The following ARHGEF11 variants were observed in gnomAD, a reference collection of about 807,000 sequenced individuals.
ARHGEF11 encodes Rho guanine nucleotide exchange factor 11, also known as Rho guanine exchange factor (GEF) 11.
In ARHGEF11, 55 loss-of-function variants were observed where a neutral mutation model predicts 193.7. That is an observed-to-expected ratio of 0.28 (90% confidence interval 0.23 to 0.36). ARHGEF11 has a LOEUF of 0.36. ARHGEF11 is among the 10% of genes least tolerant of loss of function. The probability of loss-of-function intolerance (pLI) is 1.00; values close to 1 mark genes in which losing one functional copy is unlikely to be tolerated. For missense variants in ARHGEF11, 1,723 were observed against 2,005.6 expected (o/e 0.86, Z 2.69); for synonymous variants, 693 against 768.0 (o/e 0.90, Z 1.62).
chr1:156,991,719 T>A (rs982486213), intron 1 of ARHGEF11, among the ~76,000 whole-genome samples: 14 of 83,162 alleles, frequency 1.7e-4, no homozygotes, highest in African/African-American at 7.2e-4. Flanking sequence ...TATTTTTTTT[T>A]TTTTTTTTTT....
rs1658376334 is a variant in ARHGEF11 at position 156,947,578 on chromosome 1, A to G, written c.2342-128T>C. ...GGAACTGAAGTGCCAGTTTCAGATC[A>G]TACAGCAACTTTTCTCTTACTCCAA... On this transcript the variant is annotated intron_variant, in intron 25 of 40. Coordinates refer to ENST00000368194, the MANE Select transcript of ARHGEF11 (RefSeq NM_198236.3). 1.6e-5 allele frequency: 21 copies of G among 1,354,820 alleles called. No homozygotes were observed. The East Asian group carries it at 5.0e-4, about 33-fold the overall frequency. The allele number at this position is 1,354,820 out of a possible 1,614,324, so 83.9% of individuals were successfully genotyped here.
chr1:156,975,855 T>C (rs1456853395), intron 7 of ARHGEF11, among the ~76,000 whole-genome samples: 2 of 152,222 alleles, frequency 1.3e-5, no homozygotes, highest in African/African-American at 4.8e-5. Context: ...GGTACCTTTG[T>C]TGAAAATCAA....
Position 156,958,817 on chromosome 1 carries a change from A to T in ARHGEF11, c.1427T>A (p.Leu476Gln). 1.9e-6 allele frequency: 3 copies of T among 1,614,250 alleles called. No homozygotes were observed. Among genetic ancestry groups the T allele is most frequent in the Non-Finnish European group, 2.5e-6 (3 of 1,180,042 alleles). Residue 476 changes from leucine (L) to glutamine (Q), a missense_variant, in exon 17 of 41, where the codon CTG becomes CAG. Leu to Gln is a moderately radical substitution (Grantham distance 113). Coordinates refer to ENST00000368194, the MANE Select transcript of ARHGEF11 (RefSeq NM_198236.3). ...GAGAGGGTCCCCATCCAGGTCCAGCAGGTCATTTTCACCATACAGGCTGCC... is the reference window on the plus strand; with the variant it reads ...GAGAGGGTCCCCATCCAGGTCCAGCTGGTCATTTTCACCATACAGGCTGCC... ...GLGSLYGEND[L>Q]LDLDGDPLRE...
intron 4 of ARHGEF11, 61 bp downstream of exon 4, chr1:156,980,376 G>A: frequency 6.4e-7 from 1 of 1,561,500 alleles, no homozygotes; most frequent in East Asian, 2.3e-5. Flanking sequence ...GCCAAGGCCA[G>A]GAGTGCCCTG....
chr1:156,996,729 C>T (rs1487151827), intron 1 of ARHGEF11, among the ~76,000 whole-genome samples: 1 of 140,762 alleles, frequency 7.1e-6, no homozygotes, highest in Admixed American at 7.3e-5. Context: ...GCCGAGATCA[C>T]GCCACTGCAC....
rs367905958 is a variant in ARHGEF11 at position 156,947,316 on chromosome 1, T to C, written c.2476A>G (p.Ile826Val). The C allele has an allele frequency of 6.2e-7, 1 of 1,607,264 alleles. No individual in the cohort carries two copies. Among genetic ancestry groups the C allele is most frequent in the East Asian group, 2.2e-5 (1 of 44,812 alleles). The change falls in exon 26 of 41, where the codon ATA becomes GTA. Residue 826 changes from isoleucine (I) to valine (V), a missense_variant. Transcript: ENST00000368194. Reference protein sequence around the residue: ...ARLFPNLPELIEIHNSWCEAM... With the variant: ...ARLFPNLPELVEIHNSWCEAM... ...ACAGGCTCCTTACTGTGAATCTCTA[T>C]GAGTTCAGGCAGGTTCGGGAAGAGC... is the stretch of plus-strand genomic sequence containing the variant.
chr1:157,035,843 ATGTATATATT>A (rs1479648026), intron 1 of ARHGEF11, among the ~76,000 whole-genome samples: 1,546 of 130,298 alleles, frequency 0.012, 189 homozygotes, highest in South Asian at 0.035. Context: ...GAATATATAT[ATGTATATATT>A]TAGGAATATA....
At chr1:156,971,577 A>T in intron 8 of ARHGEF11, 120 bp downstream of exon 8, 1 of 1,302,124 alleles carries the variant, frequency 7.7e-7, no homozygotes, top group Non-Finnish European at 1.0e-6. Flanking sequence ...CTAAACACTT[A>T]CTAGTTCAGC....
chr1:156,979,339 CT>C, intron 4 of ARHGEF11, 53 bp from the exon 5 acceptor site: 1 of 1,273,850 alleles, frequency 7.9e-7, no homozygotes. Flanking sequence ...CTAGGGGATC[CT>C]TCTGTAAGTT....
chr1:156,974,086 T>G (rs954621196), intron 7 of ARHGEF11, among the ~76,000 whole-genome samples: 5 of 152,084 alleles, frequency 3.3e-5, no homozygotes, highest in Non-Finnish European at 7.4e-5. Flanking sequence ...CTTTTTTTTT[T>G]TGAGACAGGG....
intron 1 of ARHGEF11, among the ~76,000 whole-genome samples, chr1:157,041,259 T>C (rs1672713524): frequency 1.3e-5 from 2 of 152,216 alleles, no homozygotes; most frequent in Admixed American, 1.3e-4. Flanking sequence ...AACACATTTT[T>C]AGAAACTCTT....
intron 2 of ARHGEF11, 169 bp downstream of exon 2, chr1:156,985,913 T>G: frequency 1.8e-6 from 1 of 545,308 alleles, no homozygotes; most frequent in Non-Finnish European, 3.3e-6. Context: ...TCCTGGGAGG[T>G]CATCATATTG....
rs535977465 is a variant in ARHGEF11 at position 156,948,404 on chromosome 1, G to A, written c.2020C>T (p.Arg674Cys). The A allele has an allele frequency of 9.9e-6, 16 of 1,614,250 alleles. No homozygotes were observed. Among genetic ancestry groups the A allele is most frequent in the African/African-American group, 1.3e-5 (1 of 75,058 alleles). The change falls in exon 23 of 41, where the codon CGC becomes TGC. Residue 674 changes from arginine (R) to cysteine (C), a missense_variant. By Grantham distance (180) the Arg-to-Cys change is radical (BLOSUM62 -3). Around this residue, in one of 5 missense-constraint regions of ARHGEF11, gnomAD observed 491 missense variants for 654.5 expected, o/e 0.75. Transcript: ENST00000368194. This position sits in a 1 kb window ranked among gnomAD's most constrained non-coding sequence, Gnocchi z 4.2. ...SRKAENVPRS[R>C]SDVDMDAAAE... ...GCAGCATCCATGTCAACATCACTGCGAGAGCGGGGCACGTTCTCTGCCTTT... is the reference window on the plus strand; with the variant it reads ...GCAGCATCCATGTCAACATCACTGCAAGAGCGGGGCACGTTCTCTGCCTTT...
chr1:156,954,942 A>G, intron 20 of ARHGEF11, 21 bp from the exon 21 acceptor site: 1 of 1,593,010 alleles, frequency 6.3e-7, no homozygotes, highest in Non-Finnish European at 8.6e-7. Context: ...AACAAACAAA[A>G]ACAAAAGTAA....
At chr1:157,018,508 G>A (rs1172409491) in intron 1 of ARHGEF11, among the ~76,000 whole-genome samples, 2 of 152,096 alleles carry the variant, frequency 1.3e-5, no homozygotes, top group Non-Finnish European at 2.9e-5. Context: ...AGCTGGGCGT[G>A]GTGTCGGGCG....
chr1:157,039,832 T>G (rs539036316), intron 1 of ARHGEF11, among the ~76,000 whole-genome samples: 1 of 152,322 alleles, frequency 6.6e-6, no homozygotes, highest in South Asian at 2.1e-4. Flanking sequence ...AACAAAGCCT[T>G]TTCACAAACA....
chr1:156,986,268 T>C, intron 1 of ARHGEF11, 95 bp from the exon 2 acceptor site: 2 of 1,075,596 alleles, frequency 1.9e-6, no homozygotes, highest in South Asian at 2.8e-5. Flanking sequence ...CCCTGAGTCT[T>C]GGATAATGAG....
chr1:156,982,656 T>G (rs540527983), intron 3 of ARHGEF11, among the ~76,000 whole-genome samples: 22 of 152,268 alleles, frequency 1.4e-4, no homozygotes, highest in African/African-American at 3.6e-4. Context: ...CTGCTCAGCC[T>G]AAGAGAAGGA....
intron 1 of ARHGEF11, among the ~76,000 whole-genome samples, chr1:156,998,378 T>C (rs1201010137): frequency 6.6e-6 from 1 of 152,242 alleles, no homozygotes; most frequent in Non-Finnish European, 1.5e-5. Flanking sequence ...GCCGAAGCTA[T>C]GCCCAGGAAT....
Sources: gnomAD v4.1 joint callset for allele counts (sites outside exome capture counted in the v4.1 genomes callset) on GRCh38, gnomAD v4.1.1 for gene constraint, gnomAD v4.1.1 regional missense constraint, Gnocchi (gnomAD v3.1) non-coding constraint, MANE v1.5 for transcripts, NCBI Gene and HGNC (gene_info 2026-07-23, HGNC 2026-07-21) for gene names.